AHI1: variants seen among roughly 807,000 people sequenced by gnomAD.
AHI1 encodes the protein jouberin.
A neutral mutation model predicts 149.3 loss-of-function variants in AHI1; 123 were observed. The observed-to-expected ratio is 0.82, with a 90% confidence interval of 0.71 to 0.96. The LOEUF (loss-of-function observed/expected upper bound fraction) is 0.96. Ranked by LOEUF, AHI1 falls within the 40% of genes least tolerant of loss-of-function variation. The pLI, the probability that AHI1 is intolerant of heterozygous loss-of-function variation, is 0.00. For synonymous variants in AHI1, 475 were observed against 459.8 expected, an observed-to-expected ratio of 1.03 and a Z score of -0.42; for missense variants, 1,439 against 1,422.7, an observed-to-expected ratio of 1.01 and a Z score of -0.18.
In AHI1 at chr6:135,404,996, A is replaced by C. The variant is rs747319347; in HGVS notation, c.2962-19T>G. On this transcript the variant is annotated intron_variant, in intron 21 of 28. Coordinates refer to ENST00000265602, the MANE Select transcript of AHI1 (RefSeq NM_001134831.2). ...TCACCTCCTAAAAGAAATACAATAAAATAAGGAAGTATTCATAATTTCATT... is the reference window on the plus strand; with the variant it reads ...TCACCTCCTAAAAGAAATACAATAACATAAGGAAGTATTCATAATTTCATT... 6 of 1,590,052 alleles carry C rather than the reference A, an allele frequency of 3.8e-6. No individual in the cohort carries two copies. The highest frequency in any genetic ancestry group is 5.2e-6 in the Non-Finnish European group (6 of 1,160,398).
intron 5 of AHI1, among the ~76,000 whole-genome samples, chr6:135,489,276 C>T (rs1794913165): frequency 6.6e-6 from 1 of 152,122 alleles, no homozygotes; most frequent in Admixed American, 6.6e-5. Flanking sequence ...GCTTAGTCAC[C>T]TCACACTTAT....
intron 22 of AHI1, among the ~76,000 whole-genome samples, chr6:135,399,580 T>A (rs1489409353): frequency 6.6e-6 from 1 of 152,150 alleles, no homozygotes; most frequent in Non-Finnish European, 1.5e-5. Flanking sequence ...ATTTGTTAGA[T>A]CCGCTGAGCT....
At chr6:135,473,544 TA>T (rs896311101) in intron 5 of AHI1, among the ~76,000 whole-genome samples, 1 of 152,158 alleles carries the variant, frequency 6.6e-6, no homozygotes, top group Admixed American at 6.5e-5. Context: ...ATCTAGATTT[TA>T]AAGAAAAAGA....
At chr6:135,396,202 A>G (rs1373211643) in intron 22 of AHI1, among the ~76,000 whole-genome samples, 1 of 151,828 alleles carries the variant, frequency 6.6e-6, no homozygotes, top group Non-Finnish European at 1.5e-5. Flanking sequence ...GGGGGGTCAA[A>G]TACCACATCA....
At chr6:135,463,908 C>T (rs1362258081) in intron 7 of AHI1, among the ~76,000 whole-genome samples, 1 of 152,040 alleles carries the variant, frequency 6.6e-6, no homozygotes, top group Non-Finnish European at 1.5e-5. Flanking sequence ...CCATACCTGG[C>T]TAATTTTTGT....
At chr6:135,406,801 C>G (rs2128502202) in intron 21 of AHI1, among the ~76,000 whole-genome samples, 1 of 152,244 alleles carries the variant, frequency 6.6e-6, no homozygotes, top group South Asian at 2.1e-4. Flanking sequence ...CCAGAATGGT[C>G]TACCTTTTAT....
chr6:135,402,587 C>T (rs1330590699), intron 22 of AHI1, among the ~76,000 whole-genome samples: 1 of 151,924 alleles, frequency 6.6e-6, no homozygotes, highest in Non-Finnish European at 1.5e-5. Flanking sequence ...GAGTGCCTGC[C>T]TCTCCTGCCT....
At chr6:135,298,960 T>C (rs1241178872) in intron 27 of AHI1, among the ~76,000 whole-genome samples, 1 of 152,168 alleles carries the variant, frequency 6.6e-6, no homozygotes, top group African/African-American at 2.4e-5. Context: ...AGAGCACTGT[T>C]CCCATGATGT....
At chr6:135,461,356 T>C (rs1017540995) in intron 8 of AHI1, among the ~76,000 whole-genome samples, 1 of 151,916 alleles carries the variant, frequency 6.6e-6, no homozygotes, top group African/African-American at 2.4e-5. Flanking sequence ...AAAACCAAAA[T>C]GAATATCACT....
rs1305988834 is a variant in AHI1 at position 135,371,403 on chromosome 6, C to T, written c.3110-13216G>A. Among the ~76,000 whole-genome samples, 5 of 151,992 alleles carry T rather than the reference C, an allele frequency of 3.3e-5. No individual in the cohort carries two copies. In the East Asian group the frequency reaches 5.8e-4, roughly 18 times the overall value. ...GTGATTTTCTTTCCTATGTAAAGAA[C>T]CTGTTCCTCCTCTATAGAAGCTTGT... On this transcript the variant is annotated intron_variant, in intron 23 of 28. Transcript: ENST00000265602.
intron 24 of AHI1, among the ~76,000 whole-genome samples, chr6:135,327,823 G>C (rs964663651): frequency 1.3e-5 from 2 of 152,172 alleles, no homozygotes; most frequent in Admixed American, 1.3e-4. Flanking sequence ...CTTCCAAATA[G>C]CTGAACAAAT....
At chr6:135,319,576 A>T (rs1381736856) in intron 25 of AHI1, among the ~76,000 whole-genome samples, 1 of 152,248 alleles carries the variant, frequency 6.6e-6, no homozygotes, top group Non-Finnish European at 1.5e-5. Flanking sequence ...TGAATTTAAG[A>T]TTCTTACAAT....
At chr6:135,495,255 C>T (rs939023670) in intron 3 of AHI1, 5 of 152,108 alleles carry the variant, frequency 3.3e-5, no homozygotes, top group Admixed American at 2.6e-4. Context: ...GTCGTTTCTT[C>T]GCTTAAAATT....
chr6:135,405,714 G>C (rs749145023), intron 21 of AHI1, among the ~76,000 whole-genome samples: 3 of 151,960 alleles, frequency 2.0e-5, no homozygotes, highest in Non-Finnish European at 4.4e-5. Context: ...ACAAAAATCA[G>C]CTAGGCGTTG....
At chr6:135,451,477 GGAC>G (rs1220137908) in intron 11 of AHI1, among the ~76,000 whole-genome samples, 2 of 151,962 alleles carry the variant, frequency 1.3e-5, no homozygotes, top group African/African-American at 4.8e-5. Context: ...AGTAAAATAA[GGAC>G]TAAAAATGTT....
chr6:135,353,687 G>C (rs1260627565), intron 24 of AHI1, among the ~76,000 whole-genome samples: 1 of 152,004 alleles, frequency 6.6e-6, no homozygotes, highest in Non-Finnish European at 1.5e-5. Flanking sequence ...TATAATCCAA[G>C]AGATTCAGGA....
rs1410982074 is a variant in AHI1, at chr6:135,433,169, A to T, written c.2124T>A (p.Ala708=). 1 of 1,613,132 alleles carries T rather than the reference A, an allele frequency of 6.2e-7. No individual in the cohort carries two copies. The highest frequency in any genetic ancestry group is 1.7e-5 in the Admixed American group (1 of 60,000). The change falls in exon 16 of 29, where the codon GCT becomes GCA. Residue 708 remains alanine (A), a synonymous_variant. Transcript: ENST00000265602. ...ATCCTGTAACTACTAGCTCTCTTAC[A>T]GCTGGATGGAATTTAGCCGTGTAAA... is the stretch of plus-strand genomic sequence containing the variant. The part of the protein sequence containing the change: ...SFVYTAKFHP[A]VRELVVTGCY...
chr6:135,457,738 A>G (rs1163471721), intron 8 of AHI1, 25 bp from the exon 9 acceptor site: 5 of 1,588,984 alleles, frequency 3.1e-6, no homozygotes, highest in African/African-American at 2.7e-5. Context: ...AAAAAAATCA[A>G]TGTTATAATT....
At chr6:135,290,585 A>C in intron 27 of AHI1, 60 bp from the exon 28 acceptor site, 4 of 1,579,690 alleles carry the variant, frequency 2.5e-6, no homozygotes, top group Non-Finnish European at 3.5e-6. Context: ...CTAAAAGCTC[A>C]GATGAGGCTT....
Sources: allele counts gnomAD v4.1 joint callset (sites outside exome capture counted in the v4.1 genomes callset), GRCh38; gene constraint gnomAD v4.1.1; transcripts MANE v1.5; gene names NCBI Gene and HGNC (gene_info 2026-07-23, HGNC 2026-07-21).